The following DCBLD1 variants were observed in gnomAD, a reference collection of about 807,000 sequenced individuals.
DCBLD1 encodes the protein discoidin, CUB and LCCL domain containing 1.
In DCBLD1, 57 loss-of-function variants were observed where a neutral mutation model predicts 71.5. The ratio of observed to expected loss-of-function variants is 0.80; its 90% CI spans 0.64 to 0.99. The LOEUF (loss-of-function observed/expected upper bound fraction) is 0.99. Ranked by LOEUF, DCBLD1 falls within the 50% of genes least tolerant of loss-of-function variation. The pLI is 0.00. For synonymous variants in DCBLD1, 380 were observed against 363.8 expected, an observed-to-expected ratio of 1.04 and a Z score of -0.51; for missense variants, 891 against 923.5, an observed-to-expected ratio of 0.96 and a Z score of 0.46.
At chr6:117,547,226 G>A (rs772280440) in intron 14 of DCBLD1, among the ~76,000 whole-genome samples, 2 of 152,052 alleles carry the variant, frequency 1.3e-5, no homozygotes, top group South Asian at 2.1e-4. Flanking sequence ...ATGCTCTAAC[G>A]CGTGGCTAAC....
chr6:117,490,502 A>G (rs1198934197), intron 1 of DCBLD1, among the ~76,000 whole-genome samples: 4 of 152,208 alleles, frequency 2.6e-5, no homozygotes, highest in Admixed American at 2.6e-4. Context: ...ATATTATTCA[A>G]ATTACTCTCT....
intron 1 of DCBLD1, among the ~76,000 whole-genome samples, chr6:117,492,662 A>G (rs1347840675): frequency 1.3e-5 from 2 of 152,220 alleles, no homozygotes; most frequent in African/African-American, 2.4e-5. Context: ...CAATACATCC[A>G]GCAGTGCAGA....
chr6:117,565,538 T>C (rs1361097037), intron 14 of DCBLD1, among the ~76,000 whole-genome samples: 3 of 152,206 alleles, frequency 2.0e-5, no homozygotes, highest in Non-Finnish European at 2.9e-5. Flanking sequence ...TGAAAAATAT[T>C]GGACCATGAA....
rs918404168 is a variant in DCBLD1, at chr6:117,548,085, C to G, written c.1794C>G (p.Pro598=). Reference sequence around the variant, plus strand: ...CGCTGCCCCTGGCGCCCCCGGAGCCCGAGTACGCCACGCCCATCGTGGAGC... The same window carrying G: ...CGCTGCCCCTGGCGCCCCCGGAGCCGGAGTACGCCACGCCCATCGTGGAGC... ...EYALPLAPPE[P]EYATPIVERH... Residue 598 remains proline (P), a synonymous_variant, in exon 15 of 15, where the codon CCC becomes CCG. Transcript: ENST00000338728. 2.3e-5 allele frequency: 35 copies of G among 1,549,066 alleles called. No homozygotes were observed. The highest frequency in any genetic ancestry group is 3.9e-5 in the Admixed American group (2 of 50,908).
intron 2 of DCBLD1, among the ~76,000 whole-genome samples, chr6:117,514,184 GA>G (rs1275906006): frequency 1.3e-5 from 2 of 152,290 alleles, no homozygotes; most frequent in South Asian, 4.2e-4. Context: ...CAGACCTTGA[GA>G]CAGGCAATAA....
At chr6:117,511,914 A>C (rs967398440) in intron 2 of DCBLD1, among the ~76,000 whole-genome samples, 1 of 152,182 alleles carries the variant, frequency 6.6e-6, no homozygotes, top group African/African-American at 2.4e-5. Flanking sequence ...GGTTGAGGCT[A>C]CTTTGGTGGA....
At chr6:117,523,060 A>G (rs1489713582) in intron 4 of DCBLD1, among the ~76,000 whole-genome samples, 1 of 152,210 alleles carries the variant, frequency 6.6e-6, no homozygotes, top group Non-Finnish European at 1.5e-5. Context: ...TTTTAAAGTT[A>G]CTGTTCATCC....
chr6:117,492,781 T>C (rs1400198861), intron 1 of DCBLD1, among the ~76,000 whole-genome samples: 1 of 152,222 alleles, frequency 6.6e-6, no homozygotes, highest in Non-Finnish European at 1.5e-5. Context: ...ATTAGATGTA[T>C]GATAAGACAC....
chr6:117,489,202 G>A lies in DCBLD1; in HGVS notation c.112+6309G>A, dbSNP rs566112902. Among the ~76,000 whole-genome samples the A allele has an allele frequency of 7.9e-5, 12 of 152,302 alleles. No homozygotes were observed. The South Asian group carries it at 2.3e-3, about 29-fold the overall frequency. On this transcript the variant is annotated intron_variant, in intron 1 of 14. Transcript: ENST00000338728. ...AGGGCCTCAGGAAGCTTGCGGTCAT[G>A]ACAGAAGGTGAAGGAGAAGCATGTG...
At chr6:117,492,959 G>C (rs1777344682) in intron 1 of DCBLD1, among the ~76,000 whole-genome samples, 1 of 152,018 alleles carries the variant, frequency 6.6e-6, no homozygotes, top group Non-Finnish European at 1.5e-5. Context: ...TTTTATCCAG[G>C]TTTCAGAAAT....
chr6:117,549,684 C>T lies in DCBLD1; in HGVS notation c.*1245C>T, dbSNP rs1779392459. On this transcript the variant is annotated 3_prime_UTR_variant, in exon 15 of 15. Coordinates refer to ENST00000338728, the MANE Select transcript of DCBLD1 (RefSeq NM_001366458.2). Reference sequence around the variant, plus strand: ...TATATATGTTAAAATAATGGGGGTGCTGGAAGGTCATGGCAGACTAGCTGC... The same window carrying T: ...TATATATGTTAAAATAATGGGGGTGTTGGAAGGTCATGGCAGACTAGCTGC... The T allele has an allele frequency of 2.0e-6, 2 of 985,186 alleles. No individual in the cohort carries two copies. Among genetic ancestry groups the T allele is most frequent in the Non-Finnish European group, 1.2e-6 (1 of 829,948 alleles). 61.0% of individuals were successfully genotyped at this position (985,186 alleles called of 1,614,324 possible).
At chr6:117,554,931 T>C (rs1435589059) in intron 14 of DCBLD1, among the ~76,000 whole-genome samples, 1 of 152,176 alleles carries the variant, frequency 6.6e-6, no homozygotes, top group Non-Finnish European at 1.5e-5. Flanking sequence ...AGGGCTTTTC[T>C]TTCTTTGTGG....
intron 6 of DCBLD1, among the ~76,000 whole-genome samples, chr6:117,536,641 C>T (rs577658232): frequency 1.3e-4 from 20 of 152,174 alleles, no homozygotes; most frequent in African/African-American, 3.4e-4. Flanking sequence ...GGAGTGTGGC[C>T]GTGGAGAGAG....
At chr6:117,517,430 TG>T (rs1778237982) in intron 2 of DCBLD1, among the ~76,000 whole-genome samples, 13 of 152,354 alleles carry the variant, frequency 8.5e-5, no homozygotes, top group Middle Eastern at 3.4e-3. Flanking sequence ...GTTGAGTGTC[TG>T]TCGCTTTTTC....
intron 7 of DCBLD1, among the ~76,000 whole-genome samples, chr6:117,537,483 G>A (rs1047397992): frequency 5.3e-5 from 8 of 150,568 alleles, no homozygotes; most frequent in African/African-American, 1.5e-4. Context: ...GCAGTGAGCT[G>A]AGATTGCGCC....
intron 14 of DCBLD1, among the ~76,000 whole-genome samples, chr6:117,565,718 C>T (rs1779682801): frequency 6.6e-6 from 1 of 152,170 alleles, no homozygotes; most frequent in African/African-American, 2.4e-5. Context: ...TGAGAGCTCA[C>T]ATTTTATCAC....
At chr6:117,569,658 G>A in exon 15 of DCBLD1, 1 of 1,612,442 alleles carries the variant, frequency 6.2e-7, no homozygotes, top group Non-Finnish European at 8.5e-7. Context: ...TCCCCAACGT[G>A]CAGCCCTCCG....
chr6:117,547,361 A>AT (rs965953036), intron 14 of DCBLD1, among the ~76,000 whole-genome samples: 2 of 151,986 alleles, frequency 1.3e-5, no homozygotes, highest in Non-Finnish European at 2.9e-5. Context: ...CTACCTCGGG[A>AT]TTTTTTTGAA....
intron 2 of DCBLD1, among the ~76,000 whole-genome samples, chr6:117,505,240 G>T (rs1582981974): frequency 6.6e-6 from 1 of 152,208 alleles, no homozygotes; most frequent in Admixed American, 6.5e-5. Context: ...ACACTTCCAG[G>T]GATGCTGAAG....
Sources: allele counts gnomAD v4.1 joint callset (sites outside exome capture counted in the v4.1 genomes callset), GRCh38; gene constraint gnomAD v4.1.1; transcripts MANE v1.5; gene names NCBI Gene and HGNC (gene_info 2026-07-23, HGNC 2026-07-21).